CTNNA3: variants seen among roughly 807,000 people sequenced by gnomAD.
CTNNA3 encodes catenin alpha 3.
Under a neutral mutation model 95.7 loss-of-function variants are expected in CTNNA3, and 76 were observed. That is an observed-to-expected ratio of 0.79 (90% CI 0.66 to 0.96). CTNNA3 has a LOEUF of 0.96. Ranked by LOEUF, CTNNA3 falls within the 40% of genes least tolerant of loss-of-function variation. CTNNA3 has a pLI of 0.00. For synonymous variants in CTNNA3, 431 were observed against 374.4 expected (o/e 1.15, Z -1.74); for missense variants, 1,191 against 1,089.8 (o/e 1.09, Z -1.31).
At chr10:67,539,439 G>T (rs1160121570) in intron 4 of CTNNA3, 64 bp downstream of exon 4, 4 of 1,569,928 alleles carry the variant, frequency 2.5e-6, no homozygotes, top group South Asian at 1.1e-5. Context: ...ATCGACGCCA[G>T]GTTCAGAGAA....
At chr10:67,280,669 C>T (rs1288779180) in intron 5 of CTNNA3, among the ~76,000 whole-genome samples, 1 of 151,950 alleles carries the variant, frequency 6.6e-6, no homozygotes, top group East Asian at 1.9e-4. Flanking sequence ...TGCACATAGG[C>T]CCCCAGTGCA....
chr10:66,041,505 T>A (rs1176656063), intron 15 of CTNNA3, among the ~76,000 whole-genome samples: 2 of 152,156 alleles, frequency 1.3e-5, no homozygotes, highest in Non-Finnish European at 2.9e-5. Flanking sequence ...ATGAGTGCTC[T>A]CTGCATGTTT....
chr10:66,774,974 G>A (rs902981312), intron 8 of CTNNA3, among the ~76,000 whole-genome samples: 16 of 152,148 alleles, frequency 1.1e-4, no homozygotes, highest in African/African-American at 3.9e-4. Context: ...AATGGGTAGG[G>A]TCTCTGAATT....
intron 5 of CTNNA3, among the ~76,000 whole-genome samples, chr10:67,441,806 A>T (rs1482721729): frequency 6.6e-6 from 1 of 152,140 alleles, no homozygotes; most frequent in Non-Finnish European, 1.5e-5. Context: ...TACTAAAGGG[A>T]TCTCTTCAAG....
chr10:67,246,866 C>A (rs1326641039), intron 5 of CTNNA3, among the ~76,000 whole-genome samples: 1 of 152,146 alleles, frequency 6.6e-6, no homozygotes, highest in Non-Finnish European at 1.5e-5. Flanking sequence ...GGCAGGACCT[C>A]AACAGTTGTC....
intron 7 of CTNNA3, among the ~76,000 whole-genome samples, chr10:66,933,780 A>G (rs1353983153): frequency 6.6e-6 from 1 of 152,214 alleles, no homozygotes; most frequent in Non-Finnish European, 1.5e-5. Flanking sequence ...GCAAAATTAC[A>G]TCATTAATTC....
rs189908484 is a variant in CTNNA3 at position 67,408,189 on chromosome 10, C to T, written c.579+113653G>A. Among the ~76,000 whole-genome samples the T allele has an allele frequency of 1.4e-4, 21 of 152,302 alleles. No individual in the cohort carries two copies. In the East Asian group the frequency reaches 3.9e-3, roughly 28 times the overall value. ...TCCAAAGTAATTTATAGATTCAATG[C>T]TATTCCCATCAAGCTACCATTAACA... is the stretch of plus-strand genomic sequence containing the variant. On this transcript the variant is annotated intron_variant, in intron 5 of 17. Transcript: ENST00000433211.
chr10:66,026,733 AGTCATCTTATTG>A (rs1472254292), intron 15 of CTNNA3, among the ~76,000 whole-genome samples: 1 of 152,120 alleles, frequency 6.6e-6, no homozygotes, highest in Non-Finnish European at 1.5e-5. Flanking sequence ...AGTGTATTTG[AGTCATCTTATTG>A]GTCATCTTAT....
intron 7 of CTNNA3, among the ~76,000 whole-genome samples, chr10:67,111,578 T>C (rs539693670): frequency 6.6e-6 from 1 of 152,138 alleles, no homozygotes; most frequent in Non-Finnish European, 1.5e-5. Flanking sequence ...TTAAGGACAA[T>C]TGCTAAAAAA....
intron 5 of CTNNA3, among the ~76,000 whole-genome samples, chr10:67,452,566 G>T (rs952932542): frequency 1.3e-5 from 2 of 152,098 alleles, no homozygotes; most frequent in African/African-American, 2.4e-5. Context: ...TTAATGTTGG[G>T]TTGCATTGTA....
intron 11 of CTNNA3, among the ~76,000 whole-genome samples, chr10:66,513,130 T>A (rs1476184512): frequency 6.6e-6 from 1 of 152,190 alleles, no homozygotes. Context: ...CTGGAATTTC[T>A]AAAACAGGAA....
At chr10:67,607,768 T>A (rs909091383) in intron 2 of CTNNA3, among the ~76,000 whole-genome samples, 21 of 152,026 alleles carry the variant, frequency 1.4e-4, no homozygotes, top group Admixed American at 2.0e-4. Context: ...AGGAAGGAAG[T>A]GGGAGTCTTA....
At chr10:66,384,505 C>T (rs1015062464) in intron 11 of CTNNA3, among the ~76,000 whole-genome samples, 3 of 152,080 alleles carry the variant, frequency 2.0e-5, no homozygotes, top group Admixed American at 1.3e-4. Flanking sequence ...GACTTTAACA[C>T]CCCACTGTCA....
intron 9 of CTNNA3, among the ~76,000 whole-genome samples, chr10:66,664,698 G>C (rs1846380269): frequency 7.5e-6 from 1 of 133,938 alleles, no homozygotes. Context: ...ATTCAGCCCA[G>C]AAGCTGATGT....
intron 17 of CTNNA3, among the ~76,000 whole-genome samples, chr10:65,948,426 A>C (rs1030956562): frequency 4.6e-5 from 7 of 152,120 alleles, no homozygotes; most frequent in African/African-American, 1.7e-4. Flanking sequence ...AAAACACTGA[A>C]TGTTGCTAGA....
At chr10:67,656,693 A>C (rs938914354) in intron 1 of CTNNA3, among the ~76,000 whole-genome samples, 1 of 152,018 alleles carries the variant, frequency 6.6e-6, no homozygotes, top group East Asian at 1.9e-4. Context: ...CAAGACTCGA[A>C]GAGGCAAGAA....
At chr10:66,533,568 G>T (rs963225279) in intron 10 of CTNNA3, among the ~76,000 whole-genome samples, 1 of 152,040 alleles carries the variant, frequency 6.6e-6, no homozygotes, top group Non-Finnish European at 1.5e-5. Context: ...ACTTTCCATT[G>T]TTATAAAAAA....
At chr10:67,230,442 G>C (rs1299483067) in intron 5 of CTNNA3, among the ~76,000 whole-genome samples, 1 of 152,034 alleles carries the variant, frequency 6.6e-6, no homozygotes, top group African/African-American at 2.4e-5. Flanking sequence ...ATAAACAGTT[G>C]GGACTTAATT....
intron 12 of CTNNA3, among the ~76,000 whole-genome samples, chr10:66,328,933 T>TATATATATATATATATATATACACAC (rs59003281): frequency 8.7e-6 from 1 of 115,406 alleles, no homozygotes; most frequent in African/African-American, 3.1e-5. Flanking sequence ...TATATATATA[T>TATATATATATATATATATATACACAC]ACACACACAC....
Sources: gnomAD v4.1 joint callset for allele counts (sites outside exome capture counted in the v4.1 genomes callset) on GRCh38, gnomAD v4.1.1 for gene constraint, MANE v1.5 for transcripts, NCBI Gene and HGNC (gene_info 2026-07-23, HGNC 2026-07-21) for gene names.